The following MOB3B variants were observed in gnomAD, a reference collection of about 807,000 sequenced individuals.
MOB3B encodes MOB kinase activator-like 2B.
Under a neutral mutation model 18.7 loss-of-function variants are expected in MOB3B, and 7 were observed. The ratio of observed to expected loss-of-function variants is 0.37; its 90% confidence interval spans 0.21 to 0.70. The LOEUF (loss-of-function observed/expected upper bound fraction) is 0.70. Ranked by LOEUF, MOB3B falls within the 30% of genes least tolerant of loss-of-function variation. MOB3B has a pLI of 0.52. For missense variants in MOB3B, 253 were observed against 281.3 expected (o/e 0.90, Z 0.72); for synonymous variants, 111 against 99.9 (o/e 1.11, Z -0.66).
intron 2 of MOB3B, among the ~76,000 whole-genome samples, chr9:27,368,037 T>C (rs968253288): frequency 2.0e-5 from 3 of 151,974 alleles, no homozygotes; most frequent in Non-Finnish European, 4.4e-5. Flanking sequence ...CTACAAGTCA[T>C]AAAAACCACT....
intron 1 of MOB3B, among the ~76,000 whole-genome samples, chr9:27,495,028 C>A (rs887509784): frequency 6.6e-6 from 1 of 152,092 alleles, no homozygotes; most frequent in African/African-American, 2.4e-5. Context: ...GGAAAAACTG[C>A]TATATATTAA....
intron 1 of MOB3B, among the ~76,000 whole-genome samples, chr9:27,523,464 C>CAAAAAAAA (rs55637136): frequency 2.1e-5 from 3 of 141,728 alleles, no homozygotes; most frequent in Non-Finnish European, 3.1e-5. Context: ...TAAACTGCAC[C>CAAAAAAAA]AAAAAAAAAA....
At chr9:27,448,351 C>T (rs1468846496) in intron 2 of MOB3B, among the ~76,000 whole-genome samples, 1 of 152,220 alleles carries the variant, frequency 6.6e-6, no homozygotes, top group Non-Finnish European at 1.5e-5. Flanking sequence ...CTGATAAAGA[C>T]ATCCCCGAGT....
At chr9:27,514,831 C>G (rs929058064) in intron 1 of MOB3B, among the ~76,000 whole-genome samples, 3 of 152,238 alleles carry the variant, frequency 2.0e-5, no homozygotes, top group Non-Finnish European at 4.4e-5. Flanking sequence ...GGCAAGGAGA[C>G]AGCAGCCTAC....
At position 27,397,435 on chromosome 9, in the gene MOB3B, C is replaced by T. The variant is rs981683696; in HGVS notation, c.419-38199G>A. 4 of 152,132 alleles carry T rather than the reference C, an allele frequency of 2.6e-5. No homozygotes were observed. The East Asian group carries it at 7.7e-4, about 29-fold the overall frequency. 9.4% of individuals were successfully genotyped at this position (152,132 alleles called of 1,614,324 possible). A position where few individuals can be genotyped will look rare whatever the true frequency, so the allele number is the denominator to read the frequency against. On this transcript the variant is annotated intron_variant, in intron 2 of 3. Transcript: ENST00000262244. ...TCTCAAATAAATGCAAATCAATAGG[C>T]TCTCCACTGATTATTATATAAAGCA...
intron 2 of MOB3B, among the ~76,000 whole-genome samples, chr9:27,375,082 C>A (rs929389791): frequency 6.6e-6 from 1 of 152,216 alleles, no homozygotes; most frequent in African/African-American, 2.4e-5. Flanking sequence ...TTGGGCCATC[C>A]ATCCCAGCTG....
At chr9:27,376,677 G>A (rs894323875) in intron 2 of MOB3B, among the ~76,000 whole-genome samples, 17 of 152,202 alleles carry the variant, frequency 1.1e-4, no homozygotes, top group African/African-American at 4.1e-4. Context: ...AGCCCTGGTT[G>A]AGAAATACTG....
At chr9:27,509,294 C>A (rs1024283003) in intron 1 of MOB3B, among the ~76,000 whole-genome samples, 1 of 151,806 alleles carries the variant, frequency 6.6e-6, no homozygotes. Context: ...GGAAGGAAGA[C>A]AGGGAGAGAG....
At chr9:27,357,977 T>C (rs1821218923) in intron 3 of MOB3B, among the ~76,000 whole-genome samples, 1 of 147,610 alleles carries the variant, frequency 6.8e-6, no homozygotes, top group South Asian at 2.2e-4. Flanking sequence ...GGAGGAGTGC[T>C]TGAACCTAGG....
At chr9:27,333,355 TA>T (rs34342309) in intron 3 of MOB3B, among the ~76,000 whole-genome samples, 8,332 of 149,240 alleles carry the variant, frequency 0.056, 713 homozygotes, top group African/African-American at 0.18. Context: ...AATGAGCTGT[TA>T]AAAAAAAAAA....
At chr9:27,441,980 GAGTCCAGTTGCCTTCTGTTAAACC>G (rs1822601142) in intron 2 of MOB3B, among the ~76,000 whole-genome samples, 1 of 152,140 alleles carries the variant, frequency 6.6e-6, no homozygotes, top group African/African-American at 2.4e-5. Context: ...AAGCGGATAT[GAGTCCAGTTGCCTTCTGTTAAACC>G]AGACGTTAAA....
intron 2 of MOB3B, among the ~76,000 whole-genome samples, chr9:27,431,602 T>C (rs1587208722): frequency 6.6e-6 from 1 of 152,318 alleles, no homozygotes; most frequent in East Asian, 1.9e-4. Context: ...GGTACAACAC[T>C]GATGACTGAC....
intron 2 of MOB3B, among the ~76,000 whole-genome samples, chr9:27,385,517 C>CCT (rs1821640288): frequency 6.6e-6 from 1 of 151,978 alleles, no homozygotes; most frequent in African/African-American, 2.4e-5. Flanking sequence ...GCATACCTGC[C>CCT]CTCTCTCTCA....
At chr9:27,464,105 G>A (rs1213337912) in intron 1 of MOB3B, among the ~76,000 whole-genome samples, 1 of 152,184 alleles carries the variant, frequency 6.6e-6, no homozygotes, top group East Asian at 1.9e-4. Context: ...CATAGTGACT[G>A]ATAAAAGAAA....
chr9:27,527,175 T>C (rs2484316), intron 1 of MOB3B, among the ~76,000 whole-genome samples: 37,185 of 152,174 alleles, frequency 0.24, 4,691 homozygotes, highest in Admixed American at 0.3. Flanking sequence ...CTGTTTTCCT[T>C]AGCGGGGTAG....
chr9:27,423,627 G>A (rs1054534514), intron 2 of MOB3B, among the ~76,000 whole-genome samples: 1 of 152,044 alleles, frequency 6.6e-6, no homozygotes, highest in Non-Finnish European at 1.5e-5. Context: ...CTAACACTTG[G>A]GTCATAACAT....
At chr9:27,493,546 C>G (rs561546666) in intron 1 of MOB3B, among the ~76,000 whole-genome samples, 55 of 152,154 alleles carry the variant, frequency 3.6e-4, no homozygotes, top group African/African-American at 1.3e-3. Flanking sequence ...GAGGCTGAGG[C>G]AGGAGAATGG....
At chr9:27,504,966 G>A (rs755682894) in intron 1 of MOB3B, among the ~76,000 whole-genome samples, 3 of 152,076 alleles carry the variant, frequency 2.0e-5, no homozygotes, top group African/African-American at 7.2e-5. Flanking sequence ...TTCTGTCATT[G>A]CATCTCCTCA....
chr9:27,480,954 T>C (rs919482306), intron 1 of MOB3B, among the ~76,000 whole-genome samples: 5 of 151,838 alleles, frequency 3.3e-5, no homozygotes, highest in African/African-American at 7.3e-5. Flanking sequence ...GTTTGAAAAA[T>C]TATATAGACT....
Sources: gnomAD v4.1 joint callset for allele counts (sites outside exome capture counted in the v4.1 genomes callset) on GRCh38, gnomAD v4.1.1 for gene constraint, MANE v1.5 for transcripts, NCBI Gene and HGNC (gene_info 2026-07-23, HGNC 2026-07-21) for gene names.